COL11A1: variants seen among roughly 807,000 people sequenced by gnomAD.
The protein encoded by COL11A1 is collagen alpha-1(XI) chain.
In COL11A1, 74 loss-of-function variants were observed where a neutral mutation model predicts 265.2. The ratio of observed to expected loss-of-function variants is 0.28; its 90% CI spans 0.23 to 0.34. The LOEUF is 0.34. Ranked by LOEUF, COL11A1 falls within the 10% of genes least tolerant of loss-of-function variation. The pLI is 1.00. For missense variants in COL11A1, 2,165 were observed against 2,263.6 expected (o/e 0.96, Z 0.88); for synonymous variants, 816 against 727.6 (o/e 1.12, Z -1.96).
intron 4 of COL11A1, among the ~76,000 whole-genome samples, chr1:103,063,516 G>A (rs1330072794): frequency 2.6e-5 from 4 of 152,036 alleles, no homozygotes; most frequent in Non-Finnish European, 4.4e-5. Flanking sequence ...ACAGCCACAT[G>A]CAAAAAAATA....
intron 1 of COL11A1, among the ~76,000 whole-genome samples, chr1:103,106,338 C>T (rs553449850): frequency 2.6e-5 from 4 of 152,250 alleles, no homozygotes; most frequent in South Asian, 2.1e-4. Flanking sequence ...TAAATAGCTG[C>T]CATTACAATA....
At chr1:102,885,972 A>G (rs1048871588) in intron 63 of COL11A1, among the ~76,000 whole-genome samples, 1 of 152,134 alleles carries the variant, frequency 6.6e-6, no homozygotes, top group Non-Finnish European at 1.5e-5. Context: ...TTTCTGAACT[A>G]CACTGAACTT....
At chr1:102,883,076 T>A (rs2101025143) in intron 64 of COL11A1, 123 bp downstream of exon 64, 1 of 739,880 alleles carries the variant, frequency 1.4e-6, no homozygotes, top group East Asian at 2.7e-5. Context: ...TGAAGTACTC[T>A]AATTATTTTG....
chr1:103,043,293 G>A (rs1254853336), intron 4 of COL11A1, among the ~76,000 whole-genome samples: 1 of 150,878 alleles, frequency 6.6e-6, no homozygotes, highest in East Asian at 1.9e-4. Flanking sequence ...TGACCAAACA[G>A]TAAGTTTAAG....
Position 102,994,403 on chromosome 1 carries a change from G to C in COL11A1, c.2340+1461C>G, listed in dbSNP as rs191724641. On this transcript the variant is annotated intron_variant, in intron 28 of 66. Coordinates refer to ENST00000370096, the MANE Select transcript of COL11A1 (RefSeq NM_001854.4). ...TCTCAGGAGATTTGATTGTTTAAAA[G>C]CATGTGGCACCTTCTTCACCCCCTC... Among the ~76,000 whole-genome samples the C allele has an allele frequency of 1.2e-4, 18 of 152,100 alleles. No individual in the cohort carries two copies. In the East Asian group the frequency reaches 3.3e-3, roughly 28 times the overall value.
chr1:102,940,237 G>T, intron 43 of COL11A1, 90 bp downstream of exon 43: 1 of 1,036,048 alleles, frequency 9.7e-7, no homozygotes, highest in Non-Finnish European at 1.5e-6. Context: ...TTCACCTGGC[G>T]CCTAATCATA....
intron 28 of COL11A1, among the ~76,000 whole-genome samples, chr1:102,995,407 A>C (rs745311616): frequency 2.3e-4 from 35 of 152,016 alleles, no homozygotes; most frequent in Admixed American, 3.3e-4. Flanking sequence ...ATATAGAAAG[A>C]CTTCCTCTTT....
At chr1:103,034,588 C>T (rs12131097) in intron 4 of COL11A1, among the ~76,000 whole-genome samples, 20,863 of 151,942 alleles carry the variant, frequency 0.14, 1,529 homozygotes, top group African/African-American at 0.15. Context: ...ACAACATTGT[C>T]ATACTTGCTG....
chr1:102,973,006 A>C (rs974005356), intron 36 of COL11A1, among the ~76,000 whole-genome samples: 1 of 152,006 alleles, frequency 6.6e-6, no homozygotes, highest in East Asian at 1.9e-4. Flanking sequence ...TATATATAAA[A>C]TTTTTTCCTG....
chr1:103,016,962 G>T (rs955849563), intron 11 of COL11A1, among the ~76,000 whole-genome samples: 1 of 151,782 alleles, frequency 6.6e-6, no homozygotes, highest in Non-Finnish European at 1.5e-5. Context: ...TAGAGTTTAA[G>T]GTGAGTAAAT....
intron 31 of COL11A1, among the ~76,000 whole-genome samples, chr1:102,982,686 T>G (rs11164650): frequency 0.22 from 33,642 of 151,952 alleles, 3,760 homozygotes; most frequent in Non-Finnish European, 0.24. Flanking sequence ...ATTATATTTA[T>G]CCCCTGCTAC....
At chr1:102,901,008 G>C (rs1003606701) in intron 54 of COL11A1, among the ~76,000 whole-genome samples, 1 of 152,040 alleles carries the variant, frequency 6.6e-6, no homozygotes, top group Non-Finnish European at 1.5e-5. Context: ...CTCATGAATT[G>C]ATTAATAATA....
intron 7 of COL11A1, among the ~76,000 whole-genome samples, chr1:103,024,202 C>T (rs945934307): frequency 2.0e-5 from 3 of 152,124 alleles, no homozygotes; most frequent in Non-Finnish European, 2.9e-5. Flanking sequence ...TCATACCTCA[C>T]TGCAGCCTGG....
intron 4 of COL11A1, among the ~76,000 whole-genome samples, chr1:103,038,221 G>A (rs1044071151): frequency 6.6e-6 from 1 of 152,086 alleles, no homozygotes. Flanking sequence ...CTAGCACTTC[G>A]GGAGGCTGAG....
intron 51 of COL11A1, 21 bp from the exon 52 acceptor site, chr1:102,914,426 A>G (rs1254631105): frequency 6.3e-7 from 1 of 1,586,862 alleles, no homozygotes; most frequent in Non-Finnish European, 8.6e-7. Flanking sequence ...GTTTTGAAAG[A>G]AAAAGAAATA....
intron 4 of COL11A1, among the ~76,000 whole-genome samples, chr1:103,056,175 T>C (rs1261302477): frequency 1.3e-5 from 2 of 152,160 alleles, no homozygotes; most frequent in East Asian, 1.9e-4. Context: ...CCTGTGTTTT[T>C]GGACATAGGA....
At chr1:103,000,047 C>T (rs1557925839) in intron 24 of COL11A1, among the ~76,000 whole-genome samples, 1 of 151,762 alleles carries the variant, frequency 6.6e-6, no homozygotes, top group Non-Finnish European at 1.5e-5. Context: ...ACCGGAAATG[C>T]AGTAAACTAG....
intron 4 of COL11A1, among the ~76,000 whole-genome samples, chr1:103,032,526 A>G (rs1472672709): frequency 6.6e-6 from 1 of 152,098 alleles, no homozygotes; most frequent in African/African-American, 2.4e-5. Flanking sequence ...AAGGTGGAAT[A>G]AAATTAATAA....
chr1:102,878,223 CT>C lies in COL11A1; in HGVS notation c.5275-59del, dbSNP rs1649744422. 5 of 1,475,376 alleles carry C rather than the reference CT, an allele frequency of 3.4e-6. No homozygotes were observed. The East Asian group carries it at 1.2e-4, about 36-fold the overall frequency. The allele number at this position is 1,475,376 out of a possible 1,614,324, so 91.4% of individuals were successfully genotyped here. A position where few individuals can be genotyped will look rare whatever the true frequency, so the allele number is the denominator to read the frequency against. On this transcript the variant is annotated intron_variant, in intron 66 of 66. Transcript: ENST00000370096. ...AATCTTTTAATATTTTTAAATGCAT[CT>C]TATTTTTTCTTGGGCTTCTGAGTGG... is the stretch of plus-strand genomic sequence containing the variant.
Sources: allele counts gnomAD v4.1 joint callset (sites outside exome capture counted in the v4.1 genomes callset), GRCh38; gene constraint gnomAD v4.1.1; transcripts MANE v1.5; gene names NCBI Gene and HGNC (gene_info 2026-07-23, HGNC 2026-07-21).